DAB2IP: variants seen among roughly 807,000 people sequenced by gnomAD.
DAB2IP encodes disabled homolog 2-interacting protein.
DAB2IP carries 28 observed loss-of-function variants against 107.2 expected under a neutral mutation model. That is an observed-to-expected ratio of 0.26 (90% CI 0.19 to 0.36). The LOEUF (loss-of-function observed/expected upper bound fraction) is 0.36, where lower values mean the gene tolerates loss of function less well. Ranked by LOEUF, DAB2IP falls within the 10% of genes least tolerant of loss-of-function variation. The pLI is 1.00. For synonymous variants in DAB2IP, 755 were observed against 706.4 expected, an observed-to-expected ratio of 1.07 and a Z score of -1.09; for missense variants, 1,400 against 1,644.7, an observed-to-expected ratio of 0.85 and a Z score of 2.57.
rs1207603033 is a variant in DAB2IP at position 121,699,271 on chromosome 9, C to A, written c.229-54C>A. ...CGGGTCCCGCGCGGGTCCCGGCCCG[C>A]CGCCGCCGCGCTAACCCCGCCTCCC... On this transcript the variant is annotated intron_variant, in intron 2 of 15. Coordinates refer to ENST00000408936, the Ensembl canonical transcript of DAB2IP. This position sits in a 1 kb window ranked among gnomAD's most constrained non-coding sequence, Gnocchi z 6.2. The A allele has an allele frequency of 3.4e-5, 44 of 1,287,528 alleles. No individual in the cohort carries two copies. 79.8% of individuals were successfully genotyped at this position (1,287,528 alleles called of 1,614,324 possible).
At chr9:121,643,265 G>T (rs1832425296) in intron 1 of DAB2IP, among the ~76,000 whole-genome samples, 1 of 151,982 alleles carries the variant, frequency 6.6e-6, no homozygotes, top group Non-Finnish European at 1.5e-5. Flanking sequence ...GCCATATGGA[G>T]CCATCCCCTT....
At chr9:121,686,366 T>G (rs906914578) in intron 2 of DAB2IP, among the ~76,000 whole-genome samples, 26 of 152,280 alleles carry the variant, frequency 1.7e-4, no homozygotes, top group Non-Finnish European at 2.6e-4. Flanking sequence ...CTTCCTGCCC[T>G]GGGGACTTCC....
chr9:121,678,652 A>T, intron 1 of DAB2IP, 26 bp from the exon 2 acceptor site: 1 of 1,478,926 alleles, frequency 6.8e-7, no homozygotes, highest in Non-Finnish European at 9.1e-7. Context: ...TTCTTGTTCA[A>T]CCTCTCTCTC....
chr9:121,567,388 A>G (rs1215557403), intron 1 of DAB2IP, among the ~76,000 whole-genome samples: 2 of 152,164 alleles, frequency 1.3e-5, no homozygotes, highest in Non-Finnish European at 2.9e-5. Context: ...GCGTTGGGCT[A>G]TGAGACTCAG....
At chr9:121,743,433 T>G (rs1589623101) in intron 3 of DAB2IP, among the ~76,000 whole-genome samples, 1 of 149,530 alleles carries the variant, frequency 6.7e-6, no homozygotes, top group Admixed American at 6.7e-5. Flanking sequence ...TCGTTTTTTG[T>G]TTTTTTTTTC....
intron 1 of DAB2IP, among the ~76,000 whole-genome samples, chr9:121,644,205 AGAAGAGGAAGAGGAAGGG>A (rs1262585515): frequency 1.3e-5 from 2 of 149,596 alleles, no homozygotes; most frequent in Non-Finnish European, 3.0e-5. Flanking sequence ...AAGAAGAGGA[AGAAGAGGAAGAGGAAGGG>A]GAAGGGGAAG....
intron 1 of DAB2IP, among the ~76,000 whole-genome samples, chr9:121,585,568 C>T (rs7036178): frequency 0.017 from 2,593 of 152,198 alleles, 95 homozygotes; most frequent in African/African-American, 0.059. Context: ...AAAGAGTGCA[C>T]AAGATTGGCT....
chr9:121,671,641 A>G (rs1317577944), intron 1 of DAB2IP, among the ~76,000 whole-genome samples: 3 of 152,206 alleles, frequency 2.0e-5, no homozygotes, highest in Non-Finnish European at 4.4e-5. Flanking sequence ...GTAAAAAAAA[A>G]TGGTATATAA....
intron 5 of DAB2IP, among the ~76,000 whole-genome samples, chr9:121,759,373 G>T (rs1356407267): frequency 6.6e-6 from 1 of 152,118 alleles, no homozygotes; most frequent in African/African-American, 2.4e-5. Context: ...TCCCAGGCTG[G>T]TGCCCTCTGT....
At chr9:121,644,896 C>G (rs976646131) in intron 1 of DAB2IP, among the ~76,000 whole-genome samples, 1 of 152,204 alleles carries the variant, frequency 6.6e-6, no homozygotes, top group East Asian at 1.9e-4. Context: ...GTTCAGCTGT[C>G]CTCCTCTGTG....
At chr9:121,664,168 G>A (rs184000283) in intron 1 of DAB2IP, among the ~76,000 whole-genome samples, 5 of 152,128 alleles carry the variant, frequency 3.3e-5, no homozygotes, top group South Asian at 2.1e-4. Context: ...AATTTACCTC[G>A]GCACTGTTTT....
intron 1 of DAB2IP, among the ~76,000 whole-genome samples, chr9:121,570,153 C>A (rs1829903976): frequency 7.0e-6 from 1 of 142,498 alleles, no homozygotes; most frequent in African/African-American, 2.6e-5. Context: ...ACTCTGTCAT[C>A]CAGGCTGGAG....
At chr9:121,676,019 GGC>G (rs1243619513) in intron 1 of DAB2IP, among the ~76,000 whole-genome samples, 2 of 152,220 alleles carry the variant, frequency 1.3e-5, no homozygotes, top group African/African-American at 4.8e-5. Context: ...GAACAGCAAG[GGC>G]CTTAAGAGAC....
At chr9:121,665,524 C>T (rs1211814859) in intron 1 of DAB2IP, among the ~76,000 whole-genome samples, 1 of 152,058 alleles carries the variant, frequency 6.6e-6, no homozygotes, top group Non-Finnish European at 1.5e-5. Flanking sequence ...AATTTATATA[C>T]CCTAAAGAAG....
chr9:121,777,852 C>T (rs1265323872), intron 14 of DAB2IP, among the ~76,000 whole-genome samples: 1 of 151,996 alleles, frequency 6.6e-6, no homozygotes, highest in Non-Finnish European at 1.5e-5. Flanking sequence ...TTGAATTAAC[C>T]TCTTTGTCAT....
chr9:121,696,487 A>T (rs564419457), intron 2 of DAB2IP, among the ~76,000 whole-genome samples: 2 of 152,344 alleles, frequency 1.3e-5, no homozygotes, highest in South Asian at 4.1e-4. Context: ...CCAGAAATCA[A>T]GTCCCAGGAG....
chr9:121,639,662 T>A (rs1231556053), intron 1 of DAB2IP, among the ~76,000 whole-genome samples: 2 of 152,094 alleles, frequency 1.3e-5, no homozygotes, highest in African/African-American at 4.8e-5. Context: ...GGGCCTCAGT[T>A]TGCCCATCTG....
chr9:121,568,640 G>A (rs541649831), intron 1 of DAB2IP, among the ~76,000 whole-genome samples: 20 of 152,302 alleles, frequency 1.3e-4, no homozygotes, highest in African/African-American at 4.1e-4. Context: ...CAGCCTGAGG[G>A]TGTGGGACAG....
At chr9:121,669,069 C>T (rs1398424127) in intron 1 of DAB2IP, among the ~76,000 whole-genome samples, 1 of 151,958 alleles carries the variant, frequency 6.6e-6, no homozygotes, top group Admixed American at 6.6e-5. Context: ...GCATCCACCA[C>T]CATGCCCAGC....
Sources: allele counts gnomAD v4.1 joint callset (sites outside exome capture counted in the v4.1 genomes callset), GRCh38; gene constraint gnomAD v4.1.1; non-coding constraint Gnocchi (gnomAD v3.1); transcripts MANE v1.5; gene names NCBI Gene and HGNC (gene_info 2026-07-23, HGNC 2026-07-21).